Variants in KCTD1 observed in about 807,000 individuals in gnomAD.
The protein encoded by KCTD1 is BTB/POZ domain-containing protein KCTD1.
Under a neutral mutation model 66.0 loss-of-function variants are expected in KCTD1, and 24 were observed. The observed-to-expected ratio is 0.36, with a 90% confidence interval of 0.26 to 0.51. The LOEUF (loss-of-function observed/expected upper bound fraction) is 0.51. Among genes scored for constraint, KCTD1 ranks in the 20% least tolerant of loss-of-function variants. The pLI, the probability that KCTD1 is intolerant of heterozygous loss-of-function variation, is 0.95. For synonymous variants in KCTD1, 511 were observed against 517.2 expected, an observed-to-expected ratio of 0.99 and a Z score of 0.16; for missense variants, 943 against 1,205.2, an observed-to-expected ratio of 0.78 and a Z score of 3.22.
At position 26,547,417 on chromosome 18, in the gene KCTD1, TCTC is replaced by T; in HGVS notation, c.1117_1119del (p.Glu373del). The stretch of plus-strand genomic sequence containing the variant: ...CCCGTCTCATACATGCGGGGCAAGT[TCTC>T]CTCGTCGCTGCTCTCGGCGCGCTTC... On this transcript the variant is annotated inframe_deletion, in exon 1 of 5. Transcript: ENST00000580059. 2.6e-6 allele frequency: 4 copies of T among 1,551,192 alleles called. No homozygotes were observed. Among genetic ancestry groups the T allele is most frequent in the Non-Finnish European group, 3.5e-6 (4 of 1,146,696 alleles).
At chr18:26,557,228 A>G (rs888139020) in intron 1 of KCTD1, among the ~76,000 whole-genome samples, 1 of 152,174 alleles carries the variant, frequency 6.6e-6, no homozygotes, top group African/African-American at 2.4e-5. Flanking sequence ...TTGAGGATGA[A>G]TTCCTCAAGC....
At chr18:26,656,004 T>C (rs1423530108) in intron 1 of KCTD1, among the ~76,000 whole-genome samples, 1 of 151,942 alleles carries the variant, frequency 6.6e-6, no homozygotes, top group Non-Finnish European at 1.5e-5. Context: ...GGAAGCACAC[T>C]TCACATTCAA....
At position 26,613,167 on chromosome 18, in the gene KCTD1, C is replaced by A. The variant is rs143923212; in HGVS notation, c.-16+15980G>T. 7.2e-5 allele frequency among the ~76,000 whole-genome samples: 11 copies of A among 152,306 alleles called. 1 individual carries two copies. In the East Asian group the frequency reaches 1.9e-3, roughly 27 times the overall value. ...TATTTTTGGTTTTTCGGACTCAGCA[C>A]ACTGAGGATTGACTTGTGATGAAAA... is the stretch of plus-strand genomic sequence containing the variant. On this transcript the variant is annotated intron_variant, in intron 1 of 4. Transcript: ENST00000317932.
At chr18:26,463,954 A>G (rs972601920) in intron 3 of KCTD1, among the ~76,000 whole-genome samples, 1 of 152,334 alleles carries the variant, frequency 6.6e-6, no homozygotes, top group East Asian at 1.9e-4. Flanking sequence ...ACAGGGGACA[A>G]GAAAACAGAC....
intron 1 of KCTD1, among the ~76,000 whole-genome samples, chr18:26,607,690 T>C (rs1422297421): frequency 6.6e-6 from 1 of 152,230 alleles, no homozygotes; most frequent in Admixed American, 6.5e-5. Flanking sequence ...CCATGCAGTG[T>C]CATATTTTCA....
chr18:26,533,282 A>G (rs758959635), intron 1 of KCTD1, among the ~76,000 whole-genome samples: 1 of 152,262 alleles, frequency 6.6e-6, no homozygotes, highest in African/African-American at 2.4e-5. Flanking sequence ...ATTTCTAAAC[A>G]AGCTAGTATA....
At position 26,547,969 on chromosome 18, in the gene KCTD1, T is replaced by G; in HGVS notation, c.568A>C (p.Lys190Gln). 6.5e-7 allele frequency: 1 copy of G among 1,540,934 alleles called. No homozygotes were observed. The highest frequency in any genetic ancestry group is 8.7e-7 in the Non-Finnish European group (1 of 1,146,100). Residue 190 changes from lysine to glutamine, a missense_variant, in exon 1 of 5, where the codon AAG becomes CAG. Physicochemically the swap from Lys to Gln is moderately conservative, Grantham distance 53. Around this residue, in one of 10 missense-constraint regions of KCTD1, gnomAD observed 96 missense variants for 132.5 expected, o/e 0.72. Transcript: ENST00000580059. ...GTCTCGAAGTCCGGGCTCTGCGCCT[T>G]CTCGCTCAGGTACTCCCGGAAGATG... ...VRIFREYLSE[K>Q]AQSPDFETMD...
intron 1 of KCTD1, among the ~76,000 whole-genome samples, chr18:26,656,023 G>C: frequency 6.6e-6 from 1 of 152,136 alleles, no homozygotes; most frequent in South Asian, 2.1e-4. Flanking sequence ...AATAAAGAAG[G>C]GTGGCGGGAG....
At chr18:26,590,194 C>T (rs943732639) in intron 1 of KCTD1, among the ~76,000 whole-genome samples, 1 of 152,054 alleles carries the variant, frequency 6.6e-6, no homozygotes, top group Non-Finnish European at 1.5e-5. Flanking sequence ...AGCAGTTCTC[C>T]TGCCTCAGCT....
chr18:26,529,003 C>A (rs142046585), intron 1 of KCTD1, among the ~76,000 whole-genome samples: 149 of 152,286 alleles, frequency 9.8e-4, no homozygotes, highest in African/African-American at 3.4e-3. Flanking sequence ...CAAATTTAGT[C>A]CTCCAGCCCA....
chr18:26,632,754 A>G (rs1002071022), upstream of KCTD1, among the ~76,000 whole-genome samples: 34 of 152,204 alleles, frequency 2.2e-4, no homozygotes, highest in African/African-American at 8.2e-4. Context: ...TTAATAATAT[A>G]GCTACATCTA....
intron 1 of KCTD1, among the ~76,000 whole-genome samples, chr18:26,504,307 G>T (rs987243426): frequency 1.3e-5 from 2 of 152,108 alleles, no homozygotes; most frequent in African/African-American, 4.8e-5. Flanking sequence ...TCAGTTCATT[G>T]CAACCTCCAC....
At chr18:26,482,602 T>C (rs1488559730) in intron 2 of KCTD1, among the ~76,000 whole-genome samples, 3 of 152,206 alleles carry the variant, frequency 2.0e-5, no homozygotes, top group Non-Finnish European at 4.4e-5. Context: ...CTGCCGAAGC[T>C]GTCTTCTGGC....
At chr18:26,563,021 T>C (rs1985897036) in intron 1 of KCTD1, among the ~76,000 whole-genome samples, 1 of 152,196 alleles carries the variant, frequency 6.6e-6, no homozygotes, top group Non-Finnish European at 1.5e-5. Flanking sequence ...TCCTCCTGCT[T>C]TATTTCCCAT....
intron 1 of KCTD1, among the ~76,000 whole-genome samples, chr18:26,593,145 A>AATG (rs1986648706): frequency 7.9e-5 from 12 of 152,104 alleles, no homozygotes; most frequent in Admixed American, 7.9e-4. Flanking sequence ...TCAGGTTAAC[A>AATG]CCAAGCTTGG....
intron 1 of KCTD1, among the ~76,000 whole-genome samples, chr18:26,546,310 C>T (rs1985215989): frequency 6.6e-6 from 1 of 151,322 alleles, no homozygotes; most frequent in African/African-American, 2.4e-5. Flanking sequence ...CTTCTAAGGT[C>T]ATGGCGAATA....
At chr18:26,609,457 T>A (rs982656122) in intron 1 of KCTD1, among the ~76,000 whole-genome samples, 1 of 152,214 alleles carries the variant, frequency 6.6e-6, no homozygotes, top group Non-Finnish European at 1.5e-5. Flanking sequence ...GGGACCATAT[T>A]ACCGGGTGAT....
At chr18:26,580,630 A>T (rs1451217816) in intron 1 of KCTD1, among the ~76,000 whole-genome samples, 1 of 152,214 alleles carries the variant, frequency 6.6e-6, no homozygotes, top group Non-Finnish European at 1.5e-5. Flanking sequence ...AGAAACTCAC[A>T]TACCAGAGGA....
At chr18:26,594,040 T>C (rs888811754) in intron 1 of KCTD1, among the ~76,000 whole-genome samples, 6 of 152,310 alleles carry the variant, frequency 3.9e-5, no homozygotes, top group Admixed American at 1.3e-4. Context: ...CCTTCACTTA[T>C]GTGGAAGAAG....
Sources: allele counts gnomAD v4.1 joint callset (sites outside exome capture counted in the v4.1 genomes callset), GRCh38; gene constraint gnomAD v4.1.1; regional missense constraint gnomAD v4.1.1; transcripts MANE v1.5; gene names NCBI Gene and HGNC (gene_info 2026-07-23, HGNC 2026-07-21).